MYOCD: variants seen among roughly 807,000 people sequenced by gnomAD.
The protein encoded by MYOCD is myocardin.
A neutral mutation model predicts 96.1 loss-of-function variants in MYOCD; 32 were observed. That is an observed-to-expected ratio of 0.33 (90% confidence interval 0.25 to 0.45). MYOCD has a LOEUF of 0.45. MYOCD is among the 20% of genes least tolerant of loss of function. The pLI, the probability that MYOCD is intolerant of heterozygous loss-of-function variation, is 1.00. For synonymous variants in MYOCD, 469 were observed against 469.0 expected (o/e 1.00, Z 0.00); for missense variants, 1,133 against 1,200.6 (o/e 0.94, Z 0.83).
chr17:12,719,275 G>T (rs558381882), intron 4 of MYOCD, among the ~76,000 whole-genome samples: 1 of 148,580 alleles, frequency 6.7e-6, no homozygotes, highest in Non-Finnish European at 1.5e-5. Context: ...AGTTACATGC[G>T]TTCCCATACA....
intron 6 of MYOCD, among the ~76,000 whole-genome samples, chr17:12,737,029 C>T (rs908280383): frequency 3.9e-5 from 6 of 151,912 alleles, no homozygotes; most frequent in Non-Finnish European, 7.4e-5. Flanking sequence ...CTGAGGCGGG[C>T]GGATCACCTG....
intron 13 of MYOCD, chr17:12,761,421 T>A (rs2033167369): frequency 6.6e-6 from 1 of 151,934 alleles, no homozygotes. Flanking sequence ...TCAGACAAGA[T>A]CCTGATTCCT....
rs1456290854 is a variant in MYOCD, at chr17:12,753,180, C to G, written c.1892C>G (p.Pro631Arg). 1 of 1,614,162 alleles carries G rather than the reference C, an allele frequency of 6.2e-7. No individual in the cohort carries two copies. Among genetic ancestry groups the G allele is most frequent in the African/African-American group, 1.3e-5 (1 of 75,034 alleles). The change falls in exon 10 of 14, where the codon CCC becomes CGC. Residue 631 changes from proline (P) to arginine (R), a missense_variant. Coordinates refer to ENST00000425538, the MANE Select transcript of MYOCD (RefSeq NM_001146312.3). ...TNVLSSTFLS[P>R]QCSPQHSPLG... ...GTACTTTCTTCCACATTTCTCAGCC[C>G]CCAGTGTTCCCCTCAGCATTCACCG...
At chr17:12,685,723 A>T (rs1312456483) in intron 1 of MYOCD, among the ~76,000 whole-genome samples, 1 of 152,224 alleles carries the variant, frequency 6.6e-6, no homozygotes, top group Non-Finnish European at 1.5e-5. Flanking sequence ...CCTTCTACAT[A>T]TATGGATTAT....
At chr17:12,719,020 A>G (rs951717326) in intron 4 of MYOCD, among the ~76,000 whole-genome samples, 4 of 151,706 alleles carry the variant, frequency 2.6e-5, no homozygotes, top group Non-Finnish European at 5.9e-5. Flanking sequence ...CTAAATATAC[A>G]AAAACTTAGC....
At position 12,752,465 on chromosome 17, in the gene MYOCD, A is replaced by G. The variant is rs746473719; in HGVS notation, c.1177A>G (p.Thr393Ala). The G allele has an allele frequency of 6.2e-7, 1 of 1,614,140 alleles. No homozygotes were observed. The highest frequency in any genetic ancestry group is 1.1e-5 in the South Asian group (1 of 91,076). Residue 393 changes from threonine (T) to alanine (A), a missense_variant, in exon 10 of 14, where the codon ACC becomes GCC. Transcript: ENST00000425538. ...AATTCGGGGCTTGCCTGTGTCAGGCACCAAAACGGCTCTCATGGACCGGCT... is the reference window on the plus strand; with the variant it reads ...AATTCGGGGCTTGCCTGTGTCAGGCGCCAAAACGGCTCTCATGGACCGGCT... The part of the protein sequence containing the change: ...LRIRGLPVSG[T>A]KTALMDRLRP...
At chr17:12,727,175 A>G (rs1166604827) in intron 5 of MYOCD, among the ~76,000 whole-genome samples, 1 of 152,216 alleles carries the variant, frequency 6.6e-6, no homozygotes, top group Non-Finnish European at 1.5e-5. Context: ...TGACTAATAA[A>G]CAAAAGGAAT....
chr17:12,736,542 A>G (rs2032351931), intron 6 of MYOCD, among the ~76,000 whole-genome samples: 1 of 152,028 alleles, frequency 6.6e-6, no homozygotes, highest in African/African-American at 2.4e-5. Context: ...AAACACTGAA[A>G]GAGAACCTCC....
At chr17:12,684,540 C>A (rs1173410214) in intron 1 of MYOCD, among the ~76,000 whole-genome samples, 1 of 152,164 alleles carries the variant, frequency 6.6e-6, no homozygotes, top group Non-Finnish European at 1.5e-5. Context: ...CATTGTTCAA[C>A]AATGATTAAG....
chr17:12,669,767 C>T (rs959013693), intron 1 of MYOCD, among the ~76,000 whole-genome samples: 10 of 152,112 alleles, frequency 6.6e-5, no homozygotes, highest in East Asian at 1.9e-4. Flanking sequence ...TACAGGTGCC[C>T]GCTACCACGC....
chr17:12,701,326 C>T (rs1277366402), intron 1 of MYOCD, among the ~76,000 whole-genome samples: 3 of 152,074 alleles, frequency 2.0e-5, no homozygotes, highest in Non-Finnish European at 4.4e-5. Flanking sequence ...GCAGGGGAAT[C>T]GCTTGAACCT....
chr17:12,760,760 T>G, intron 13 of MYOCD, 53 bp downstream of exon 13: 8 of 1,453,230 alleles, frequency 5.5e-6, no homozygotes, highest in Non-Finnish European at 7.7e-6. Context: ...ACATGAACTC[T>G]AAGGAATGAA....
chr17:12,725,204 A>G (rs2031960297), intron 5 of MYOCD, among the ~76,000 whole-genome samples: 2 of 151,930 alleles, frequency 1.3e-5, no homozygotes, highest in South Asian at 4.1e-4. Context: ...TCCAGGTCTA[A>G]GGGAATGGAA....
At position 12,763,147 on chromosome 17, in the gene MYOCD, C is replaced by T; in HGVS notation, c.2464C>T (p.Pro822Ser). Reference sequence around the variant, plus strand: ...AAAGATACCCAGATCTTCCCGAAGTCCAACTGCTGTCCTCACCAAGCCCTC... The same window carrying T: ...AAAGATACCCAGATCTTCCCGAAGTTCAACTGCTGTCCTCACCAAGCCCTC... The part of the protein sequence containing the change: ...VPKIPRSSRS[P>S]TAVLTKPSAS... Residue 822 changes from proline to serine, a missense_variant, in exon 14 of 14, where the codon CCA (proline) becomes TCA (serine). Physicochemically the swap from Pro to Ser is moderately conservative, Grantham distance 74. Transcript: ENST00000425538. 4 of 1,614,172 alleles carry T rather than the reference C, an allele frequency of 2.5e-6. No individual in the cohort carries two copies. Among genetic ancestry groups the T allele is most frequent in the Non-Finnish European group, 3.4e-6 (4 of 1,180,026 alleles).
chr17:12,715,583 T>A lies in MYOCD; in HGVS notation c.177+9T>A. On this transcript the variant is annotated intron_variant, in intron 3 of 13. Coordinates refer to ENST00000425538, the MANE Select transcript of MYOCD (RefSeq NM_001146312.3). The stretch of plus-strand genomic sequence containing the variant: ...ATTTGGATAGTGACAAGGTAATTTT[T>A]GCAAATTTCTTGACCCAAGCTTAGA... 1 of 1,612,420 alleles carries A rather than the reference T, an allele frequency of 6.2e-7. No homozygotes were observed.
chr17:12,698,167 G>T (rs2030871313), intron 1 of MYOCD, among the ~76,000 whole-genome samples: 1 of 152,160 alleles, frequency 6.6e-6, no homozygotes, highest in African/African-American at 2.4e-5. Flanking sequence ...AAATTGATCT[G>T]CTAATGCTGC....
chr17:12,755,893 A>C (rs2032998400), intron 10 of MYOCD, among the ~76,000 whole-genome samples: 1 of 152,172 alleles, frequency 6.6e-6, no homozygotes, highest in South Asian at 2.1e-4. Flanking sequence ...ATAAAATAAA[A>C]AAATAAAGAA....
At chr17:12,720,304 C>T (rs921806418) in intron 4 of MYOCD, 2 of 152,184 alleles carry the variant, frequency 1.3e-5, no homozygotes, top group African/African-American at 2.4e-5. Context: ...CGATTGCTCT[C>T]TGCCACAAAC....
intron 1 of MYOCD, among the ~76,000 whole-genome samples, chr17:12,678,400 T>C (rs981037859): frequency 2.6e-5 from 4 of 152,002 alleles, no homozygotes; most frequent in Non-Finnish European, 4.4e-5. Flanking sequence ...TTTTGATGCC[T>C]CTGAAGACAG....
Sources: gnomAD v4.1 joint callset for allele counts (sites outside exome capture counted in the v4.1 genomes callset) on GRCh38, gnomAD v4.1.1 for gene constraint, MANE v1.5 for transcripts, NCBI Gene and HGNC (gene_info 2026-07-23, HGNC 2026-07-21) for gene names.